Variants in TOGARAM2 observed in about 807,000 individuals in gnomAD.
TOGARAM2 encodes TOG array regulator of axonemal microtubules 2.
Under a neutral mutation model 93.3 loss-of-function variants are expected in TOGARAM2, and 85 were observed. The observed-to-expected ratio is 0.91, with a 90% confidence interval of 0.76 to 1.09. The LOEUF is 1.09. Ranked by LOEUF, TOGARAM2 falls within the 50% of genes least tolerant of loss-of-function variation. TOGARAM2 has a pLI of 0.00. For missense variants in TOGARAM2, 1,277 were observed against 1,334.5 expected, an observed-to-expected ratio of 0.96 and a Z score of 0.67; for synonymous variants, 593 against 552.8, an observed-to-expected ratio of 1.07 and a Z score of -1.02.
intron 6 of TOGARAM2, among the ~76,000 whole-genome samples, chr2:29,009,513 G>C (rs2148317042): frequency 6.6e-6 from 1 of 151,850 alleles, no homozygotes. Context: ...GGAGTCTGTG[G>C]GCTGAGGATG....
At chr2:29,015,302 C>T (rs1040994626) in intron 8 of TOGARAM2, among the ~76,000 whole-genome samples, 4 of 152,130 alleles carry the variant, frequency 2.6e-5, no homozygotes, top group Admixed American at 6.5e-5. Context: ...CCCACTTCTG[C>T]GCTCCCTCCT....
intron 16 of TOGARAM2, among the ~76,000 whole-genome samples, chr2:29,034,528 G>T (rs139909160): frequency 1.3e-3 from 191 of 152,354 alleles, no homozygotes; most frequent in African/African-American, 4.2e-3. Flanking sequence ...AGTAGACAAT[G>T]AGTGTGGAAT....
intron 6 of TOGARAM2, among the ~76,000 whole-genome samples, chr2:29,006,912 C>T (rs1663913482): frequency 6.6e-6 from 1 of 152,122 alleles, no homozygotes; most frequent in Non-Finnish European, 1.5e-5. Flanking sequence ...AGACCTGTGG[C>T]CTTTCCTCTT....
At chr2:28,999,880 G>T (rs573360946) in intron 4 of TOGARAM2, among the ~76,000 whole-genome samples, 1 of 152,156 alleles carries the variant, frequency 6.6e-6, no homozygotes, top group African/African-American at 2.4e-5. Flanking sequence ...CTCTGCCTTC[G>T]GTCTCTGCTG....
chr2:29,017,335 G>A, intron 9 of TOGARAM2, 31 bp downstream of exon 9: 1 of 1,536,394 alleles, frequency 6.5e-7, no homozygotes, highest in Non-Finnish European at 8.7e-7. Flanking sequence ...GATTTGCTCA[G>A]GCCTGGGGAG....
chr2:28,970,086 C>G (rs966936299), intron 1 of TOGARAM2, among the ~76,000 whole-genome samples: 1 of 152,218 alleles, frequency 6.6e-6, no homozygotes, highest in Non-Finnish European at 1.5e-5. Context: ...GCTAGGATTA[C>G]AGGCATGAGC....
Position 28,966,086 on chromosome 2 carries a change from A to G in TOGARAM2, c.-147+9389A>G, listed in dbSNP as rs965251959. ...TCCCAGGCTGGAGTGCAGTGGCACG[A>G]TTTTTGGCTCAATGCAACCTTTGCC... On this transcript the variant is annotated intron_variant, in intron 1 of 6. Coordinates refer to the TOGARAM2 transcript ENST00000401723. 1.3e-4 allele frequency among the ~76,000 whole-genome samples: 20 copies of G among 151,102 alleles called. 1 individual carries two copies. The highest frequency in any genetic ancestry group is 7.3e-4 in the Admixed American group (11 of 15,146).
chr2:29,036,536 A>G lies in TOGARAM2; in HGVS notation c.2419-5A>G. The G allele has an allele frequency of 1.2e-6, 2 of 1,613,760 alleles. No individual in the cohort carries two copies. Among genetic ancestry groups the G allele is most frequent in the Non-Finnish European group, 8.5e-7 (1 of 1,179,848 alleles). ...ATGGGCTCTTGGTTTCTGTTTCTTCAATAGGTCTTTGATGCTTTCACCCCA... is the reference window on the plus strand; with the variant it reads ...ATGGGCTCTTGGTTTCTGTTTCTTCGATAGGTCTTTGATGCTTTCACCCCA... On this transcript the variant is annotated splice_region_variant and splice_polypyrimidine_tract_variant and intron_variant, in intron 17 of 19. Transcript: ENST00000379558.
At chr2:29,013,485 A>C (rs1001695750) in intron 7 of TOGARAM2, among the ~76,000 whole-genome samples, 4 of 152,210 alleles carry the variant, frequency 2.6e-5, no homozygotes, top group Non-Finnish European at 5.9e-5. Context: ...CGAAAGCCTC[A>C]AACCAGGGAC....
intron 1 of TOGARAM2, among the ~76,000 whole-genome samples, chr2:28,973,587 A>G (rs1671985077): frequency 6.7e-6 from 1 of 150,298 alleles, no homozygotes; most frequent in African/African-American, 2.5e-5. Flanking sequence ...CAGTGGTGTG[A>G]TCATGGCTCA....
chr2:28,997,931 C>T (rs1324752464), intron 2 of TOGARAM2, among the ~76,000 whole-genome samples: 5 of 152,024 alleles, frequency 3.3e-5, no homozygotes, highest in African/African-American at 1.2e-4. Context: ...CTGGGGCAAG[C>T]GGGGTTGGAG....
intron 1 of TOGARAM2, among the ~76,000 whole-genome samples, chr2:28,962,486 C>T (rs1023178457): frequency 2.0e-5 from 3 of 151,984 alleles, no homozygotes; most frequent in Non-Finnish European, 2.9e-5. Flanking sequence ...CATATTTACT[C>T]GTGATTCTGG....
intron 1 of TOGARAM2, among the ~76,000 whole-genome samples, chr2:28,967,444 C>T (rs1671882944): frequency 6.6e-6 from 1 of 152,124 alleles, no homozygotes; most frequent in Admixed American, 6.5e-5. Flanking sequence ...CACTGCACTC[C>T]TGCCTGGGTG....
intron 1 of TOGARAM2, among the ~76,000 whole-genome samples, chr2:28,963,548 A>G (rs1671825763): frequency 6.6e-6 from 1 of 151,932 alleles, no homozygotes; most frequent in Non-Finnish European, 1.5e-5. Context: ...CTAACTTTTA[A>G]TGTTTTTTTG....
chr2:29,045,424 GCCCCA>G lies in TOGARAM2; in HGVS notation c.2722+25_2722+29del, dbSNP rs1349472600. 3 of 1,112,738 alleles carry G rather than the reference GCCCCA, an allele frequency of 2.7e-6. No individual in the cohort carries two copies. Among genetic ancestry groups the G allele is most frequent in the Non-Finnish European group, 3.8e-6 (3 of 779,856 alleles). 68.9% of individuals were successfully genotyped at this position (1,112,738 alleles called of 1,614,324 possible). ...ATCGCCTGGCAGGTGAGCACCCCCAGCCCCACCCCACCCCATCTCCTGGCAGATTT... is the reference window on the plus strand; with the variant it reads ...ATCGCCTGGCAGGTGAGCACCCCCAGCCCCACCCCATCTCCTGGCAGATTT... On this transcript the variant is annotated intron_variant, in intron 19 of 19. Transcript: ENST00000379558.
intron 18 of TOGARAM2, among the ~76,000 whole-genome samples, chr2:29,039,591 T>A (rs1360145699): frequency 6.6e-6 from 1 of 152,204 alleles, no homozygotes; most frequent in African/African-American, 2.4e-5. Context: ...AATGGAGTAT[T>A]GGTTGGCAGA....
chr2:29,009,867 G>A (rs746899826), intron 6 of TOGARAM2, among the ~76,000 whole-genome samples: 31 of 152,154 alleles, frequency 2.0e-4, no homozygotes, highest in Admixed American at 5.2e-4. Flanking sequence ...GGGCTGCCAC[G>A]TGCAGGAAGG....
At chr2:28,966,026 A>ATT (rs756586383) in intron 1 of TOGARAM2, among the ~76,000 whole-genome samples, 1 of 144,212 alleles carries the variant, frequency 6.9e-6, no homozygotes. Flanking sequence ...CACTTAGCTT[A>ATT]TTTTTTTTTT....
chr2:29,044,621 A>C (rs534662535), intron 18 of TOGARAM2, among the ~76,000 whole-genome samples: 27 of 152,170 alleles, frequency 1.8e-4, no homozygotes, highest in Non-Finnish European at 2.6e-4. Flanking sequence ...ACCTGGTGTC[A>C]GGGTTCATGT....
Sources: allele counts gnomAD v4.1 joint callset (sites outside exome capture counted in the v4.1 genomes callset), GRCh38; gene constraint gnomAD v4.1.1; transcripts MANE v1.5; gene names NCBI Gene and HGNC (gene_info 2026-07-23, HGNC 2026-07-21).